The following RAD51 variants were observed in gnomAD, a reference collection of about 807,000 sequenced individuals.
RAD51 encodes RAD51 recombinase.
In RAD51, 14 loss-of-function variants were observed where a neutral mutation model predicts 41.5. That is an observed-to-expected ratio of 0.34 (90% CI 0.22 to 0.53). RAD51 has a LOEUF of 0.53. Among genes scored for constraint, RAD51 ranks in the 20% least tolerant of loss-of-function variants. RAD51 has a pLI of 0.95. For synonymous variants in RAD51, 136 were observed against 148.6 expected (o/e 0.92, Z 0.62); for missense variants, 234 against 422.0 (o/e 0.55, Z 3.90).
chr15:40,726,047 T>C (rs147268430), intron 6 of RAD51, among the ~76,000 whole-genome samples: 53 of 152,106 alleles, frequency 3.5e-4, no homozygotes, highest in Middle Eastern at 6.8e-3. Context: ...TTGCTAAAGT[T>C]TGAAAACCAT....
At chr15:40,700,145 C>G (rs768244637) in intron 2 of RAD51, among the ~76,000 whole-genome samples, 1 of 152,148 alleles carries the variant, frequency 6.6e-6, no homozygotes, top group Non-Finnish European at 1.5e-5. Flanking sequence ...CTCCCCTCTT[C>G]TAAATTCTCC....
In RAD51 at chr15:40,728,777, C is replaced by G; in HGVS notation, c.597C>G (p.His199Gln). ...VAYARAFNTD[H>Q]QTQLLYQASA... is the part of the protein sequence containing the mutation. The stretch of plus-strand genomic sequence containing the variant: ...ATGCTCGAGCGTTCAACACAGACCA[C>G]CAGACCCAGCTCCTTTATCAAGCAT... Residue 199 changes from histidine (H) to glutamine (Q), a missense_variant, in exon 7 of 10, where the codon CAC becomes CAG. Physicochemically the swap from His to Gln is conservative, Grantham distance 24. Coordinates refer to ENST00000267868, the MANE Select transcript of RAD51 (RefSeq NM_002875.5). The G allele has an allele frequency of 6.2e-7, 1 of 1,614,092 alleles. No individual in the cohort carries two copies.
In RAD51 at chr15:40,729,595, G is replaced by A. The variant is rs778157793; in HGVS notation, c.735G>A (p.Leu245=). 1.1e-5 allele frequency: 17 copies of A among 1,613,834 alleles called. No homozygotes were observed. The South Asian group carries it at 1.9e-4, about 18-fold the overall frequency. ...RGELSARQMH[L]ARFLRMLLRL... ...AGCTTTCAGCCAGGCAGATGCACTT[G>A]GCCAGGTTTCTGCGGATGCTTCTGC... The change falls in exon 8 of 10, where the codon TTG becomes TTA. Residue 245 remains leucine (L), a synonymous_variant. Coordinates refer to ENST00000267868, the MANE Select transcript of RAD51 (RefSeq NM_002875.5).
chr15:40,703,789 G>A (rs556836311), intron 3 of RAD51, among the ~76,000 whole-genome samples: 1 of 151,974 alleles, frequency 6.6e-6, no homozygotes, highest in Admixed American at 6.6e-5. Flanking sequence ...TGGTTTCATT[G>A]ATTTTTCTCT....
chr15:40,709,394 T>TG (rs59935661), intron 5 of RAD51, among the ~76,000 whole-genome samples: 1 of 142,462 alleles, frequency 7.0e-6, no homozygotes, highest in East Asian at 2.0e-4. Context: ...TTTTTTTTTT[T>TG]GAGGCAGAAT....
intron 2 of RAD51, 113 bp from the exon 3 acceptor site, chr15:40,700,950 GA>G: frequency 7.7e-7 from 1 of 1,292,318 alleles, no homozygotes; most frequent in Non-Finnish European, 1.1e-6. Flanking sequence ...GATTTCAAGG[GA>G]CAGTTGTATT....
At chr15:40,710,571 C>G (rs746303501) in intron 5 of RAD51, among the ~76,000 whole-genome samples, 1 of 141,950 alleles carries the variant, frequency 7.0e-6, no homozygotes, top group Non-Finnish European at 1.5e-5. Flanking sequence ...TTTAGATTAA[C>G]ATTCAAAACT....
intron 6 of RAD51, among the ~76,000 whole-genome samples, chr15:40,722,079 C>A (rs1228653976): frequency 6.6e-6 from 1 of 152,172 alleles, no homozygotes; most frequent in Non-Finnish European, 1.5e-5. Context: ...CACTAACCTT[C>A]AGGGCATTAT....
At chr15:40,719,906 T>C (rs1393506644) in intron 6 of RAD51, among the ~76,000 whole-genome samples, 1 of 150,894 alleles carries the variant, frequency 6.6e-6, no homozygotes, top group Non-Finnish European at 1.5e-5. Flanking sequence ...CAGGAAGATA[T>C]AACAGTTGTA....
At chr15:40,698,210 GAC>G (rs1350611130) in intron 1 of RAD51, among the ~76,000 whole-genome samples, 2 of 146,030 alleles carry the variant, frequency 1.4e-5, no homozygotes, top group Non-Finnish European at 3.0e-5. Flanking sequence ...TTTTTTTTGA[GAC>G]ACAGTCTCAC....
At chr15:40,697,069 T>C (rs1894685468) in intron 1 of RAD51, among the ~76,000 whole-genome samples, 1 of 152,116 alleles carries the variant, frequency 6.6e-6, no homozygotes, top group South Asian at 2.1e-4. Flanking sequence ...TGAATAGAAG[T>C]GCTGAATTTA....
At chr15:40,703,425 A>C (rs1895127638) in intron 3 of RAD51, among the ~76,000 whole-genome samples, 1 of 152,218 alleles carries the variant, frequency 6.6e-6, no homozygotes, top group African/African-American at 2.4e-5. Flanking sequence ...AAGTTTAGAG[A>C]ATAAACTTTC....
chr15:40,719,815 G>A (rs1896181030), intron 6 of RAD51, among the ~76,000 whole-genome samples: 1 of 142,370 alleles, frequency 7.0e-6, no homozygotes, highest in African/African-American at 2.5e-5. Flanking sequence ...CTGGGCGACA[G>A]AGCAAGAATC....
In RAD51 at chr15:40,731,548, T is replaced by C. The variant is rs973437784; in HGVS notation, c.*370T>C. On this transcript the variant is annotated 3_prime_UTR_variant, in exon 10 of 10. Coordinates refer to ENST00000267868, the MANE Select transcript of RAD51 (RefSeq NM_002875.5). Reference sequence around the variant, plus strand: ...GGAGAGACCTGACCCTTCTCTCACTTCTAAATTAATGGTAAAATAAAATGC... The same window carrying C: ...GGAGAGACCTGACCCTTCTCTCACTCCTAAATTAATGGTAAAATAAAATGC... 2.4e-4 allele frequency: 79 copies of C among 332,174 alleles called. No homozygotes were observed. Among genetic ancestry groups the C allele is most frequent in the African/African-American group, 1.6e-3 (78 of 48,604 alleles). 20.6% of individuals were successfully genotyped at this position (332,174 alleles called of 1,614,324 possible).
chr15:40,696,128 T>G (rs1183787759), intron 1 of RAD51, among the ~76,000 whole-genome samples: 1 of 152,170 alleles, frequency 6.6e-6, no homozygotes, highest in Admixed American at 6.5e-5. Flanking sequence ...TCCACCCGCC[T>G]CTGCCTCCCA....
chr15:40,726,912 C>CAG (rs1555429259), intron 6 of RAD51, among the ~76,000 whole-genome samples: 2 of 120,580 alleles, frequency 1.7e-5, no homozygotes, highest in African/African-American at 3.1e-5. Flanking sequence ...GACTCCGTCT[C>CAG]AAAAAAAAAA....
At chr15:40,726,001 CA>C (rs561879702) in intron 6 of RAD51, among the ~76,000 whole-genome samples, 4 of 149,258 alleles carry the variant, frequency 2.7e-5, no homozygotes, top group Admixed American at 1.3e-4. Context: ...AACAAAACAA[CA>C]AAAAAAAATG....
chr15:40,719,881 A>C (rs1896185625), intron 6 of RAD51, among the ~76,000 whole-genome samples: 1 of 152,122 alleles, frequency 6.6e-6, no homozygotes, highest in East Asian at 1.9e-4. Flanking sequence ...TTTTATAATT[A>C]AAAGGTCAGT....
intron 5 of RAD51, among the ~76,000 whole-genome samples, chr15:40,713,511 G>C (rs149712169): frequency 0.014 from 2,155 of 151,904 alleles, 56 homozygotes; most frequent in African/African-American, 0.049. Context: ...CCAAAGTGCT[G>C]GGATTACAGG....
Sources: allele counts gnomAD v4.1 joint callset (sites outside exome capture counted in the v4.1 genomes callset), GRCh38; gene constraint gnomAD v4.1.1; transcripts MANE v1.5; gene names NCBI Gene and HGNC (gene_info 2026-07-23, HGNC 2026-07-21).